Variants in GARNL3 observed in about 807,000 individuals in gnomAD.
GARNL3 encodes the protein GTPase-activating Rap/Ran-GAP domain-like protein 3.
GARNL3 carries 63 observed loss-of-function variants against 125.0 expected under a neutral mutation model. The ratio of observed to expected loss-of-function variants is 0.50; its 90% CI spans 0.41 to 0.62. GARNL3 has a LOEUF of 0.62. Among genes scored for constraint, GARNL3 ranks in the 20% least tolerant of loss-of-function variants. The pLI, the probability that GARNL3 is intolerant of heterozygous loss-of-function variation, is 0.00. For missense variants in GARNL3, 994 were observed against 1,244.0 expected (o/e 0.80, Z 3.02); for synonymous variants, 439 against 457.5 (o/e 0.96, Z 0.52).
At chr9:127,338,305 A>G (rs1588885229) in intron 12 of GARNL3, 144 bp downstream of exon 12, 1 of 688,464 alleles carries the variant, frequency 1.5e-6, no homozygotes. Flanking sequence ...CTTCAAGGCC[A>G]CCATCTCTTC....
chr9:127,312,874 G>A (rs2065132644), intron 3 of GARNL3, among the ~76,000 whole-genome samples: 1 of 152,286 alleles, frequency 6.6e-6, no homozygotes, highest in East Asian at 1.9e-4. Flanking sequence ...AGAGAAAAAT[G>A]GCGCCATGAG....
chr9:127,376,394 A>G (rs1831913697), intron 22 of GARNL3, among the ~76,000 whole-genome samples: 2 of 150,952 alleles, frequency 1.3e-5, no homozygotes, highest in Non-Finnish European at 2.9e-5. Context: ...AATTTTTTGT[A>G]TTTTTAGTGG....
At chr9:127,379,777 A>G (rs1177570238) in intron 22 of GARNL3, among the ~76,000 whole-genome samples, 1 of 152,258 alleles carries the variant, frequency 6.6e-6, no homozygotes. Context: ...AATATACAAT[A>G]TAGTGAAGAA....
At chr9:127,333,163 C>G in intron 9 of GARNL3, 42 bp downstream of exon 9, 1 of 1,502,938 alleles carries the variant, frequency 6.7e-7, no homozygotes, top group South Asian at 1.1e-5. Flanking sequence ...ATTTGTATAA[C>G]TTTTGTAAGT....
rs368520899 is a variant in GARNL3, at chr9:127,361,235, A to G, written c.2094+3858A>G. Among the ~76,000 whole-genome samples the G allele has an allele frequency of 3.3e-5, 5 of 152,084 alleles. No homozygotes were observed. In the East Asian group the frequency reaches 9.7e-4, roughly 29 times the overall value. ...TTATTTGTTATCATTTTAAAGTACC[A>G]ATAGAATGAACTACTTATTACTTTT... is the stretch of plus-strand genomic sequence containing the variant. On this transcript the variant is annotated intron_variant, in intron 21 of 27. Transcript: ENST00000373387.
upstream of GARNL3, among the ~76,000 whole-genome samples, chr9:127,259,582 C>T (rs1028985829): frequency 6.6e-6 from 1 of 152,192 alleles, no homozygotes; most frequent in Non-Finnish European, 1.5e-5. Flanking sequence ...ATGCCATCCT[C>T]AGCGCTGCCC....
chr9:127,300,680 C>T, intron 2 of GARNL3: 1 of 292,068 alleles, frequency 3.4e-6, no homozygotes, highest in Non-Finnish European at 6.5e-6. Context: ...GTCTTGAACT[C>T]CTGACCTCAA....
At chr9:127,383,067 G>C (rs943551995) in intron 22 of GARNL3, among the ~76,000 whole-genome samples, 1 of 152,218 alleles carries the variant, frequency 6.6e-6, no homozygotes, top group African/African-American at 2.4e-5. Flanking sequence ...CCCACACAGT[G>C]CTTGTGAGAC....
chr9:127,268,199 C>T (rs1212971841), intron 1 of GARNL3, among the ~76,000 whole-genome samples: 1 of 152,198 alleles, frequency 6.6e-6, no homozygotes, highest in Non-Finnish European at 1.5e-5. Flanking sequence ...AGCCTCACAC[C>T]GTGTCCCCAG....
chr9:127,276,049 T>C (rs1372281313), intron 1 of GARNL3, among the ~76,000 whole-genome samples: 1 of 152,196 alleles, frequency 6.6e-6, no homozygotes, highest in African/African-American at 2.4e-5. Flanking sequence ...TTCCCTTCCT[T>C]GTACTCCACT....
rs2131667136 is a variant in GARNL3 at position 127,354,591 on chromosome 9, T to C, written c.1759+181T>C. 2.6e-5 allele frequency among the ~76,000 whole-genome samples: 4 copies of C among 152,312 alleles called. 1 individual carries two copies. The East Asian group carries it at 5.8e-4, about 22-fold the overall frequency. On this transcript the variant is annotated intron_variant, in intron 19 of 27. Transcript: ENST00000373387. ...GAGCTTGAAAGCTAGACAAACACATTGAGGACTAGAAGAAATTCTAGGCCT... is the reference window on the plus strand; with the variant it reads ...GAGCTTGAAAGCTAGACAAACACATCGAGGACTAGAAGAAATTCTAGGCCT...
chr9:127,353,764 A>G (rs1382616913), intron 17 of GARNL3, 82 bp from the exon 18 acceptor site: 3 of 925,548 alleles, frequency 3.2e-6, no homozygotes, highest in Admixed American at 1.7e-5. Context: ...CTTGGGTTCA[A>G]AACTACCCAC....
chr9:127,377,779 C>A (rs1588964946), intron 22 of GARNL3, among the ~76,000 whole-genome samples: 2 of 138,000 alleles, frequency 1.4e-5, no homozygotes, highest in East Asian at 4.5e-4. Flanking sequence ...GGCAAAAGAA[C>A]CAGACTCCGT....
intron 17 of GARNL3, among the ~76,000 whole-genome samples, chr9:127,349,675 T>C (rs1198410018): frequency 6.6e-6 from 1 of 151,988 alleles, no homozygotes; most frequent in Non-Finnish European, 1.5e-5. Context: ...TCAAGGACAG[T>C]GTGGTCCCTT....
chr9:127,378,824 G>A (rs1411744629), intron 22 of GARNL3, among the ~76,000 whole-genome samples: 1 of 152,122 alleles, frequency 6.6e-6, no homozygotes, highest in Non-Finnish European at 1.5e-5. Context: ...AGCCCAGGCT[G>A]GAGTGCAGTG....
At chr9:127,349,400 C>G (rs183850384) in intron 17 of GARNL3, among the ~76,000 whole-genome samples, 5 of 151,866 alleles carry the variant, frequency 3.3e-5, no homozygotes, top group African/African-American at 1.2e-4. Flanking sequence ...GACATTCCCT[C>G]TCTCGAAGTC....
At chr9:127,360,080 G>A (rs775272741) in intron 21 of GARNL3, among the ~76,000 whole-genome samples, 3 of 152,142 alleles carry the variant, frequency 2.0e-5, no homozygotes, top group African/African-American at 7.2e-5. Context: ...GAGTGCAGTG[G>A]CGCAATCTCG....
At chr9:127,339,594 A>C (rs367840029) in intron 12 of GARNL3, 51 bp from the exon 13 acceptor site, 1 of 1,362,350 alleles carries the variant, frequency 7.3e-7, no homozygotes, top group Non-Finnish European at 1.1e-6. Flanking sequence ...GTGGGGACAC[A>C]GCCAAACCAT....
intron 2 of GARNL3, among the ~76,000 whole-genome samples, 176 bp downstream of exon 2, chr9:127,291,418 C>A (rs1005149805): frequency 6.6e-5 from 10 of 152,194 alleles, no homozygotes; most frequent in Admixed American, 6.5e-4. Flanking sequence ...TAGGGTGACA[C>A]ATACCCTTTA....
Sources: gnomAD v4.1 joint callset for allele counts (sites outside exome capture counted in the v4.1 genomes callset) on GRCh38, gnomAD v4.1.1 for gene constraint, MANE v1.5 for transcripts, NCBI Gene and HGNC (gene_info 2026-07-23, HGNC 2026-07-21) for gene names.